The following CTNNA1 variants were observed in gnomAD, a reference collection of about 807,000 sequenced individuals.
CTNNA1 encodes catenin alpha 1, also known as catenin alpha-1.
CTNNA1 carries 37 observed loss-of-function variants against 98.4 expected under a neutral mutation model. That is an observed-to-expected ratio of 0.38 (90% CI 0.29 to 0.49). The LOEUF (loss-of-function observed/expected upper bound fraction) is 0.49, where lower values mean the gene tolerates loss of function less well. Ranked by LOEUF, CTNNA1 falls within the 20% of genes least tolerant of loss-of-function variation. The pLI is 0.95. For missense variants in CTNNA1, 761 were observed against 1,147.2 expected (o/e 0.66, Z 4.86); for synonymous variants, 404 against 413.2 (o/e 0.98, Z 0.27).
chr5:138,895,220 C>T (rs892957551), intron 9 of CTNNA1, among the ~76,000 whole-genome samples: 4 of 152,132 alleles, frequency 2.6e-5, no homozygotes, highest in Non-Finnish European at 5.9e-5. Flanking sequence ...GATTCCTGGG[C>T]TACCACCCAG....
intron 10 of CTNNA1, among the ~76,000 whole-genome samples, chr5:138,906,198 G>A (rs912260514): frequency 2.0e-5 from 3 of 152,044 alleles, no homozygotes; most frequent in Admixed American, 2.0e-4. Flanking sequence ...TAATATTACT[G>A]TGATGGACCC....
At chr5:138,818,231 C>G (rs1406859758) in intron 5 of CTNNA1, among the ~76,000 whole-genome samples, 2 of 150,804 alleles carry the variant, frequency 1.3e-5, no homozygotes, top group African/African-American at 4.9e-5. Context: ...ATCTCAGCCT[C>G]CCAAATTGCT....
chr5:138,797,381 A>G (rs901571609), intron 3 of CTNNA1, among the ~76,000 whole-genome samples: 2 of 152,174 alleles, frequency 1.3e-5, no homozygotes, highest in African/African-American at 2.4e-5. Context: ...TTCCCAGGAC[A>G]TAAACACATT....
rs966782924 is a variant in CTNNA1, at chr5:138,753,456, C to T, written c.-57C>T. On this transcript the variant is annotated 5_prime_UTR_variant, in exon 1 of 18. Coordinates refer to ENST00000302763, the MANE Select transcript of CTNNA1 (RefSeq NM_001903.5). ...CTAGCCGGACTGGAGGGAGACAAAG[C>T]AGCGCCCGTCTGCTTCGGGCCTCTG... The T allele has an allele frequency of 8.0e-5, 30 of 377,068 alleles. No homozygotes were observed. Among genetic ancestry groups the T allele is most frequent in the Middle Eastern group, 6.7e-4 (1 of 1,486 alleles). 23.4% of individuals were successfully genotyped at this position (377,068 alleles called of 1,614,324 possible).
chr5:138,841,264 T>TG (rs1469199159), intron 7 of CTNNA1, among the ~76,000 whole-genome samples: 11 of 152,146 alleles, frequency 7.2e-5, no homozygotes, highest in East Asian at 1.9e-4. Context: ...TATGTATGTA[T>TG]TTATTTATTT....
At chr5:138,923,289 A>G (rs909487447) in intron 11 of CTNNA1, among the ~76,000 whole-genome samples, 1 of 152,210 alleles carries the variant, frequency 6.6e-6, no homozygotes, top group South Asian at 2.1e-4. Flanking sequence ...ATGGGCTCCA[A>G]ATCCATTTAT....
rs184263398 is a variant in CTNNA1 at position 138,902,959 on chromosome 5, C to T, written c.1297-1390C>T. Among the ~76,000 whole-genome samples, 29 of 151,876 alleles carry T rather than the reference C, an allele frequency of 1.9e-4. No individual in the cohort carries two copies. The East Asian group carries it at 5.4e-3, about 28-fold the overall frequency. Reference sequence around the variant, plus strand: ...ATTTTGCAGTGATTTTTTAAGCAAACAAATAGAAATCCCCAGTCATCTCTG... The same window carrying T: ...ATTTTGCAGTGATTTTTTAAGCAAATAAATAGAAATCCCCAGTCATCTCTG... On this transcript the variant is annotated intron_variant, in intron 9 of 17. Coordinates refer to ENST00000302763, the MANE Select transcript of CTNNA1 (RefSeq NM_001903.5).
chr5:138,904,433 T>G lies in CTNNA1; in HGVS notation c.1381T>G (p.Cys461Gly). ...RMSASQLEALCPQVINAALAL... is the reference protein window; with the variant it reads ...RMSASQLEALGPQVINAALAL... ...GTCTGCAAGCCAGTTAGAAGCCCTCTGTCCTCAGGTAAAGTACAACTGACA... is the reference window on the plus strand; with the variant it reads ...GTCTGCAAGCCAGTTAGAAGCCCTCGGTCCTCAGGTAAAGTACAACTGACA... Residue 461 changes from cysteine to glycine, a missense_variant, in exon 10 of 18, where the codon TGT becomes GGT. By Grantham distance (159) the Cys-to-Gly change is radical. Transcript: ENST00000302763. The G allele has an allele frequency of 1.2e-6, 2 of 1,613,794 alleles. No homozygotes were observed. The highest frequency in any genetic ancestry group is 1.7e-6 in the Non-Finnish European group (2 of 1,179,808).
At chr5:138,777,006 C>G (rs1290222279) in intron 1 of CTNNA1, among the ~76,000 whole-genome samples, 4 of 151,922 alleles carry the variant, frequency 2.6e-5, no homozygotes, top group Admixed American at 6.6e-5. Context: ...GCTGACCCCC[C>G]ACCTCCCTCC....
At chr5:138,799,172 T>A (rs1048818108) in intron 3 of CTNNA1, among the ~76,000 whole-genome samples, 21 of 148,660 alleles carry the variant, frequency 1.4e-4, no homozygotes, top group African/African-American at 5.5e-4. Flanking sequence ...CCACATTTTG[T>A]TTTTTTAGAC....
chr5:138,800,544 C>G (rs1027758278), intron 3 of CTNNA1, among the ~76,000 whole-genome samples: 1 of 152,074 alleles, frequency 6.6e-6, no homozygotes, highest in Non-Finnish European at 1.5e-5. Context: ...CCTGTAATCC[C>G]AGCACTTTGG....
intron 3 of CTNNA1, among the ~76,000 whole-genome samples, chr5:138,796,949 C>T (rs2149694235): frequency 7.3e-6 from 1 of 137,084 alleles, no homozygotes; most frequent in Admixed American, 8.0e-5. Context: ...ATCTTCTTCC[C>T]TGCAGCAACT....
At chr5:138,829,963 G>A (rs1374917573) in intron 7 of CTNNA1, among the ~76,000 whole-genome samples, 1 of 151,958 alleles carries the variant, frequency 6.6e-6, no homozygotes, top group African/African-American at 2.4e-5. Flanking sequence ...TCAGGAGATA[G>A]AGACCATCCT....
At chr5:138,765,717 G>A (rs1285953549) in intron 1 of CTNNA1, among the ~76,000 whole-genome samples, 2 of 151,866 alleles carry the variant, frequency 1.3e-5, no homozygotes, top group African/African-American at 4.8e-5. Flanking sequence ...TTGGGAGGCC[G>A]AGGCAGGTGG....
At chr5:138,789,386 A>C (rs976507591) in intron 3 of CTNNA1, among the ~76,000 whole-genome samples, 10 of 152,182 alleles carry the variant, frequency 6.6e-5, no homozygotes, top group African/African-American at 2.2e-4. Flanking sequence ...CAAGATGGGC[A>C]TGAGAAACAG....
intron 5 of CTNNA1, among the ~76,000 whole-genome samples, chr5:138,814,675 GTTA>G (rs1759230394): frequency 6.6e-6 from 1 of 152,140 alleles, no homozygotes; most frequent in Admixed American, 6.5e-5. Context: ...AAGACTGACT[GTTA>G]TTTAGACAAA....
At chr5:138,816,301 C>A (rs1475514438) in intron 5 of CTNNA1, among the ~76,000 whole-genome samples, 1 of 152,146 alleles carries the variant, frequency 6.6e-6, no homozygotes, top group African/African-American at 2.4e-5. Flanking sequence ...TAGGTTGATT[C>A]CATATCTTGG....
At chr5:138,754,771 T>C (rs1751438797) in intron 1 of CTNNA1, 1 of 151,986 alleles carries the variant, frequency 6.6e-6, no homozygotes, top group South Asian at 2.1e-4. Context: ...TGAACAAACA[T>C]TTTTTTTAAA....
At chr5:138,850,965 C>CATT (rs1763132349) in intron 7 of CTNNA1, among the ~76,000 whole-genome samples, 1 of 152,170 alleles carries the variant, frequency 6.6e-6, no homozygotes, top group Admixed American at 6.5e-5. Context: ...GAATATTGAG[C>CATT]ATTACCTTAA....
Sources: allele counts gnomAD v4.1 joint callset (sites outside exome capture counted in the v4.1 genomes callset), GRCh38; gene constraint gnomAD v4.1.1; transcripts MANE v1.5; gene names NCBI Gene and HGNC (gene_info 2026-07-23, HGNC 2026-07-21).